Variants in PUDP observed in about 807,000 individuals in gnomAD.
PUDP encodes pseudouridine 5'-phosphatase, also known as pseudouridine-5'-phosphatase.
A neutral mutation model predicts 9.4 loss-of-function variants in PUDP; 8 were observed. The observed-to-expected ratio is 0.85, with a 90% CI of 0.50 to 1.53. PUDP has a LOEUF of 1.53. Ranked by LOEUF, PUDP falls within the 40% of genes most tolerant of loss-of-function variation. The probability of loss-of-function intolerance (pLI) is 0.00; values close to 1 mark genes in which losing one functional copy is unlikely to be tolerated. For missense variants in PUDP, 188 were observed against 189.7 expected (o/e 0.99, Z 0.05); for synonymous variants, 99 against 80.7 (o/e 1.23, Z -1.22).
chrX:6,744,250 C>A (rs1413243332), intron 3 of PUDP, among the ~76,000 whole-genome samples: 2 of 112,063 alleles, frequency 1.8e-5, no homozygotes, highest in Non-Finnish European at 3.7e-5. Context: ...CAAGATAGAG[C>A]AAGAATGTTA....
chrX:6,733,649 A>G (rs2369822), intron 3 of PUDP, among the ~76,000 whole-genome samples: 46,817 of 108,803 alleles, frequency 0.43, 7,516 homozygotes, highest in East Asian at 0.57. Flanking sequence ...AGGGTGAAGG[A>G]AAGGTTTGGC....
intron 2 of PUDP, among the ~76,000 whole-genome samples, chrX:7,103,642 A>G (rs1234298253): frequency 1.8e-5 from 2 of 112,450 alleles, no homozygotes; most frequent in Non-Finnish European, 3.8e-5. Context: ...GAAAATGGTC[A>G]TAAGTCATAT....
intron 3 of PUDP, among the ~76,000 whole-genome samples, chrX:6,849,818 A>T (rs1431607391): frequency 9.0e-6 from 1 of 111,633 alleles, no homozygotes; most frequent in African/African-American, 3.3e-5. Context: ...TATAGGACAA[A>T]CTCTAAAATG....
intron 3 of PUDP, among the ~76,000 whole-genome samples, chrX:6,933,797 G>A (rs901638301): frequency 1.8e-5 from 2 of 111,720 alleles, no homozygotes; most frequent in Non-Finnish European, 3.8e-5. Flanking sequence ...AGGAGCTGAT[G>A]GAGCTGAAAA....
chrX:6,844,119 T>G (rs963814050), intron 3 of PUDP, among the ~76,000 whole-genome samples: 6 of 112,399 alleles, frequency 5.3e-5, no homozygotes, highest in African/African-American at 1.9e-4. Context: ...AATGGCTGAT[T>G]GAGTGTTTCT....
chrX:6,983,239 GAAC>G (rs1201373363), intron 1 of PUDP, among the ~76,000 whole-genome samples: 1 of 111,485 alleles, frequency 9.0e-6, no homozygotes, highest in Non-Finnish European at 1.9e-5. Flanking sequence ...GTGTCCCCAA[GAAC>G]TTGGGGATCA....
At chrX:6,760,291 C>A (rs776146756) in intron 3 of PUDP, among the ~76,000 whole-genome samples, 31 of 111,888 alleles carry the variant, frequency 2.8e-4, no homozygotes, top group Middle Eastern at 9.3e-3. Flanking sequence ...TTCTTTTGAG[C>A]CCTGGAGGCT....
At chrX:6,823,219 G>GA (rs1021891590) in intron 3 of PUDP, among the ~76,000 whole-genome samples, 3 of 109,158 alleles carry the variant, frequency 2.7e-5, no homozygotes, top group East Asian at 2.9e-4. Context: ...GTGGGTGAAG[G>GA]AAAAAAAAAT....
chrX:6,888,914 T>C (rs756260571), intron 3 of PUDP, among the ~76,000 whole-genome samples: 2 of 112,122 alleles, frequency 1.8e-5, no homozygotes, highest in African/African-American at 6.5e-5. Context: ...TGACGAGATA[T>C]TGCACTACCA....
At chrX:6,859,642 A>C (rs1047407042) in intron 3 of PUDP, among the ~76,000 whole-genome samples, 2 of 111,088 alleles carry the variant, frequency 1.8e-5, no homozygotes, top group African/African-American at 6.6e-5. Context: ...ACTATTGTAG[A>C]ACCTTAAATT....
intron 2 of PUDP, 85 bp downstream of exon 2, chrX:7,105,535 G>A: frequency 1.5e-6 from 1 of 655,208 alleles, no homozygotes; most frequent in South Asian, 3.0e-5. Context: ...AACTAAGCAT[G>A]CCCTATGCTA....
intron 3 of PUDP, among the ~76,000 whole-genome samples, chrX:7,065,889 G>T (rs1249574587): frequency 8.9e-6 from 1 of 112,315 alleles, no homozygotes; most frequent in Non-Finnish European, 1.9e-5. Flanking sequence ...CAATCGCAGT[G>T]AAGAGAAACA....
chrX:6,731,750 AAGGGAGGGAGGG>A (rs777733500), intron 3 of PUDP, among the ~76,000 whole-genome samples: 2 of 78,671 alleles, frequency 2.5e-5, no homozygotes, highest in Non-Finnish European at 4.5e-5. Context: ...GGAAGGAAGG[AAGGGAGGGAGGG>A]AGGGAGGGAG....
At chrX:7,101,093 C>T (rs1011394701) in intron 2 of PUDP, among the ~76,000 whole-genome samples, 15 of 112,077 alleles carry the variant, frequency 1.3e-4, no homozygotes, top group African/African-American at 4.9e-4. Context: ...CTCTTCAAGT[C>T]TTCTGCATGC....
intron 3 of PUDP, among the ~76,000 whole-genome samples, chrX:6,768,436 G>A: frequency 8.9e-6 from 1 of 112,116 alleles, no homozygotes; most frequent in South Asian, 3.7e-4. Context: ...TAATTTCTGT[G>A]TGTGCTTGGG....
chrX:6,954,893 C>T (rs1162096768), intron 3 of PUDP, among the ~76,000 whole-genome samples: 1 of 112,051 alleles, frequency 8.9e-6, no homozygotes, highest in Non-Finnish European at 1.9e-5. Flanking sequence ...CTCTATCACA[C>T]GGGTATTGAT....
At chrX:6,736,067 A>T (rs898158363) in intron 3 of PUDP, among the ~76,000 whole-genome samples, 2 of 110,153 alleles carry the variant, frequency 1.8e-5, no homozygotes, top group Non-Finnish European at 3.8e-5. Flanking sequence ...AAGGAAAAAA[A>T]ATCTACTCCA....
intron 3 of PUDP, among the ~76,000 whole-genome samples, chrX:6,777,236 T>C (rs1316643173): frequency 8.9e-6 from 1 of 112,345 alleles, no homozygotes; most frequent in African/African-American, 3.2e-5. Context: ...CCTCAGTTTC[T>C]GTACCTACAC....
chrX:6,837,038 A>G (rs1926593540), intron 3 of PUDP, among the ~76,000 whole-genome samples: 1 of 112,661 alleles, frequency 8.9e-6, no homozygotes, highest in African/African-American at 3.2e-5. Flanking sequence ...TTGGGCACCA[A>G]TGAGCGCATT....
Sources: allele counts gnomAD v4.1 joint callset (sites outside exome capture counted in the v4.1 genomes callset), GRCh38; gene constraint gnomAD v4.1.1; transcripts MANE v1.5; gene names NCBI Gene and HGNC (gene_info 2026-07-23, HGNC 2026-07-21).